The following HUNK variants were observed in gnomAD, a reference collection of about 807,000 sequenced individuals.
HUNK encodes hormonally up-regulated Neu-associated kinase.
HUNK carries 21 observed loss-of-function variants against 61.0 expected under a neutral mutation model. That is an observed-to-expected ratio of 0.34 (90% CI 0.24 to 0.50). The LOEUF (loss-of-function observed/expected upper bound fraction) is 0.50. Ranked by LOEUF, HUNK falls within the 20% of genes least tolerant of loss-of-function variation. The pLI is 0.98. For missense variants in HUNK, 772 were observed against 945.7 expected (o/e 0.82, Z 2.41); for synonymous variants, 371 against 386.1 (o/e 0.96, Z 0.46).
intron 10 of HUNK, among the ~76,000 whole-genome samples, chr21:31,997,316 G>A (rs1367477753): frequency 6.6e-6 from 1 of 152,212 alleles, no homozygotes; most frequent in African/African-American, 2.4e-5. Context: ...GGATCTGGCA[G>A]GTTGCCTTAA....
intron 3 of HUNK, among the ~76,000 whole-genome samples, chr21:31,944,325 T>C (rs2052787993): frequency 6.6e-6 from 1 of 152,258 alleles, no homozygotes; most frequent in Non-Finnish European, 1.5e-5. Flanking sequence ...GTGATCTGCC[T>C]ACCTTGGCCT....
At chr21:31,991,326 C>G (rs1237597197) in intron 9 of HUNK, among the ~76,000 whole-genome samples, 2 of 152,020 alleles carry the variant, frequency 1.3e-5, no homozygotes, top group South Asian at 2.1e-4. Flanking sequence ...TCAAATGATT[C>G]TCCTGTCTCA....
chr21:31,957,656 G>C (rs1320740729), intron 4 of HUNK, among the ~76,000 whole-genome samples: 5 of 152,136 alleles, frequency 3.3e-5, no homozygotes, highest in African/African-American at 1.2e-4. Flanking sequence ...TCATCAAAAT[G>C]ATATTAGATT....
At chr21:31,938,300 G>A (rs1476081616) in intron 2 of HUNK, among the ~76,000 whole-genome samples, 7 of 151,894 alleles carry the variant, frequency 4.6e-5, no homozygotes, top group African/African-American at 1.5e-4. Context: ...ACAATCTCAC[G>A]TCCTTTCAAG....
intron 5 of HUNK, among the ~76,000 whole-genome samples, chr21:31,965,173 C>T (rs1266717099): frequency 1.3e-5 from 2 of 152,092 alleles, no homozygotes; most frequent in African/African-American, 4.8e-5. Context: ...TGGAGGCCAT[C>T]ATCCTTAGCA....
intron 4 of HUNK, among the ~76,000 whole-genome samples, chr21:31,952,897 C>T (rs1425349623): frequency 1.3e-5 from 2 of 152,046 alleles, no homozygotes; most frequent in East Asian, 3.9e-4. Context: ...GTCTCTCATC[C>T]CTCTCATTTG....
In HUNK at chr21:31,946,093, A is replaced by G; in HGVS notation, c.668A>G (p.Gln223Arg). 2 of 1,613,598 alleles carry G rather than the reference A, an allele frequency of 1.2e-6. No individual in the cohort carries two copies. Among genetic ancestry groups the G allele is most frequent in the Non-Finnish European group, 1.7e-6 (2 of 1,179,518 alleles). ...GGTTACTCGGATCCGTTCAGCACAC[A>G]GTGTGGCAGCCCTGCCTACGCTGCA... is the stretch of plus-strand genomic sequence containing the variant. ...ILGYSDPFST[Q>R]CGSPAYAAPE... Residue 223 changes from glutamine (Q) to arginine (R), a missense_variant, in exon 4 of 11, where the codon CAG (glutamine) becomes CGG (arginine). Transcript: ENST00000270112.
chr21:31,997,010 G>A (rs955279157), intron 10 of HUNK, among the ~76,000 whole-genome samples: 5 of 152,182 alleles, frequency 3.3e-5, no homozygotes, highest in African/African-American at 4.8e-5. Flanking sequence ...AGGTGCCTGC[G>A]CCGGCCTTTC....
At chr21:31,879,728 G>T (rs977399708) in intron 1 of HUNK, among the ~76,000 whole-genome samples, 4 of 152,172 alleles carry the variant, frequency 2.6e-5, no homozygotes, top group African/African-American at 9.7e-5. Flanking sequence ...AGAAGGGGTG[G>T]GGAGTGGCAG....
At chr21:31,907,005 G>A (rs1475843655) in intron 1 of HUNK, among the ~76,000 whole-genome samples, 1 of 151,916 alleles carries the variant, frequency 6.6e-6, no homozygotes, top group Non-Finnish European at 1.5e-5. Context: ...TGAAGCTCCG[G>A]CTCTACTAAA....
Position 31,924,319 on chromosome 21 carries a change from A to G in HUNK, c.262-149A>G, listed in dbSNP as rs2052644746. The G allele has an allele frequency of 1.6e-6, 1 of 610,720 alleles. No homozygotes were observed. The highest frequency in any genetic ancestry group is 2.0e-5 in the South Asian group (1 of 48,880). The allele number at this position is 610,720 out of a possible 1,614,324, so 37.8% of individuals were successfully genotyped here. A position where few individuals can be genotyped will look rare whatever the true frequency, so the allele number is the denominator to read the frequency against. On this transcript the variant is annotated intron_variant, in intron 1 of 10. Coordinates refer to ENST00000270112, the MANE Select transcript of HUNK (RefSeq NM_014586.2). This position sits in a 1 kb window ranked among gnomAD's most constrained non-coding sequence, Gnocchi z 5.1. ...TATATGCATAAATATAAATGTGTAT[A>G]TATATATTTTCTGTTGATGCTGTTT...
chr21:31,979,889 G>A (rs2053083225), intron 7 of HUNK, among the ~76,000 whole-genome samples: 2 of 152,170 alleles, frequency 1.3e-5, no homozygotes, highest in Non-Finnish European at 2.9e-5. Context: ...TCTTTACTCT[G>A]TCGATTATTT....
chr21:31,881,023 T>G (rs779672107), intron 1 of HUNK, among the ~76,000 whole-genome samples: 28 of 152,200 alleles, frequency 1.8e-4, no homozygotes, highest in South Asian at 8.3e-4. Flanking sequence ...CAGTCCTTGA[T>G]GGGGGCTGCC....
At chr21:31,913,330 T>G in intron 1 of HUNK, among the ~76,000 whole-genome samples, 5 of 144,756 alleles carry the variant, frequency 3.5e-5, no homozygotes, top group South Asian at 2.3e-4. Context: ...TGGGTGGGAG[T>G]GGGAGACAGG....
intron 1 of HUNK, among the ~76,000 whole-genome samples, chr21:31,896,509 T>C (rs1360788172): frequency 1.3e-5 from 2 of 152,202 alleles, no homozygotes; most frequent in African/African-American, 2.4e-5. Flanking sequence ...ATCAATAATA[T>C]TCACTGGATT....
At position 31,966,771 on chromosome 21, in the gene HUNK, G is replaced by A. The variant is rs933476686; in HGVS notation, c.875-1479G>A. ...TTTAGAAAACTGAAAAAATAACTTT[G>A]AAGAGAAGGATAGAAAAATCGGGGG... On this transcript the variant is annotated intron_variant, in intron 5 of 10. Coordinates refer to ENST00000270112, the MANE Select transcript of HUNK (RefSeq NM_014586.2). Among the ~76,000 whole-genome samples the A allele has an allele frequency of 2.6e-5, 4 of 152,150 alleles. No homozygotes were observed. The East Asian group carries it at 7.7e-4, about 29-fold the overall frequency.
intron 9 of HUNK, among the ~76,000 whole-genome samples, chr21:31,993,885 C>G (rs147154840): frequency 1.3e-5 from 2 of 152,128 alleles, no homozygotes; most frequent in Non-Finnish European, 2.9e-5. Context: ...ACTGCAGGAG[C>G]CTAGGACTGT....
At position 31,901,294 on chromosome 21, in the gene HUNK, G is replaced by A. The variant is rs190090204; in HGVS notation, c.262-23174G>A. 1.0e-3 allele frequency among the ~76,000 whole-genome samples: 152 copies of A among 152,246 alleles called. 1 individual carries two copies. The highest frequency in any genetic ancestry group is 3.5e-3 in the African/African-American group (145 of 41,546). On this transcript the variant is annotated intron_variant, in intron 1 of 10. Coordinates refer to ENST00000270112, the MANE Select transcript of HUNK (RefSeq NM_014586.2). Reference sequence around the variant, plus strand: ...GGTGTGTCTGCTGGGTGACTTGGTTGGTCACTGAGGTTTGCAGAGGGTAGA... The same window carrying A: ...GGTGTGTCTGCTGGGTGACTTGGTTAGTCACTGAGGTTTGCAGAGGGTAGA...
At position 32,001,548 on chromosome 21, in the gene HUNK, G is replaced by A. The variant is rs1462403068; in HGVS notation, c.*2364G>A. Reference sequence around the variant, plus strand: ...AGGCTTCAAGAACAGCTGCACATGTGCCGCTAACTGACCGCGTTGCCATTG... The same window carrying A: ...AGGCTTCAAGAACAGCTGCACATGTACCGCTAACTGACCGCGTTGCCATTG... On this transcript the variant is annotated 3_prime_UTR_variant, in exon 11 of 11. Transcript: ENST00000270112. The A allele has an allele frequency of 1.3e-5, 2 of 152,562 alleles. No individual in the cohort carries two copies. The highest frequency in any genetic ancestry group is 2.9e-5 in the Non-Finnish European group (2 of 68,042). 9.5% of individuals were successfully genotyped at this position (152,562 alleles called of 1,614,324 possible).
Sources: allele counts gnomAD v4.1 joint callset (sites outside exome capture counted in the v4.1 genomes callset), GRCh38; gene constraint gnomAD v4.1.1; non-coding constraint Gnocchi (gnomAD v3.1); transcripts MANE v1.5; gene names NCBI Gene and HGNC (gene_info 2026-07-23, HGNC 2026-07-21).